Variants in SLK observed in about 807,000 individuals in gnomAD.
SLK encodes the protein STE20 like kinase.
SLK carries 67 observed loss-of-function variants against 147.7 expected under a neutral mutation model. The ratio of observed to expected loss-of-function variants is 0.45; its 90% CI spans 0.37 to 0.56. SLK has a LOEUF of 0.56. Ranked by LOEUF, SLK falls within the 20% of genes least tolerant of loss-of-function variation. The pLI is 0.00. For missense variants in SLK, 1,136 were observed against 1,438.8 expected (o/e 0.79, Z 3.41); for synonymous variants, 441 against 475.0 (o/e 0.93, Z 0.93).
intron 1 of SLK, among the ~76,000 whole-genome samples, chr10:103,982,883 C>T (rs147105064): frequency 4.6e-5 from 7 of 152,256 alleles, no homozygotes; most frequent in Non-Finnish European, 1.0e-4. Flanking sequence ...GCTGTGGGGG[C>T]CAGTTGGATA....
At chr10:103,992,141 G>GTTTTTGTTTTTT (rs1844102746) in intron 2 of SLK, among the ~76,000 whole-genome samples, 1 of 91,792 alleles carries the variant, frequency 1.1e-5, no homozygotes, top group Non-Finnish European at 2.1e-5. Flanking sequence ...TATTTCTTCT[G>GTTTTTGTTTTTT]TTTTTTTTTT....
intron 11 of SLK, 101 bp downstream of exon 11, chr10:104,006,136 C>T: frequency 8.3e-7 from 1 of 1,203,926 alleles, no homozygotes. Flanking sequence ...AACTTGTTCT[C>T]TGATTGCCAG....
At chr10:103,995,414 CTTTCTTTTCTTTTTT>C in intron 4 of SLK, among the ~76,000 whole-genome samples, 1 of 125,354 alleles carries the variant, frequency 8.0e-6, no homozygotes, top group African/African-American at 3.1e-5. Context: ...TTTTTCTTTT[CTTTCTTTTCTTTTTT>C]TTTTTTTTTT....
In SLK at chr10:104,002,994, GT is replaced by G; in HGVS notation, c.1818del (p.Glu607LysfsTer2). The G allele has an allele frequency of 6.2e-7, 1 of 1,613,784 alleles. No individual in the cohort carries two copies. ...TAAGGAAGTTCCTATTAAAGAAATA[GT>G]TGAAATGAATGAAATAGAAGAAGGT... ...GTKEVPIKEI[V>X]EMNEIEEGKN... On this transcript the variant is annotated frameshift_variant, in exon 9 of 19. Coordinates refer to ENST00000369755, the MANE Select transcript of SLK (RefSeq NM_014720.4). LOFTEE classifies it high-confidence loss of function.
chr10:104,011,793 C>T (rs997194399), intron 13 of SLK, among the ~76,000 whole-genome samples: 8 of 152,180 alleles, frequency 5.3e-5, no homozygotes, highest in Non-Finnish European at 8.8e-5. Flanking sequence ...ATCTCTTGAC[C>T]TCGTGATCTG....
intron 4 of SLK, among the ~76,000 whole-genome samples, chr10:103,996,335 GTTTTT>G (rs780860379): frequency 8.2e-6 from 1 of 121,994 alleles, no homozygotes; most frequent in East Asian, 2.5e-4. Context: ...GATGCTAAAA[GTTTTT>G]TTTTTTTTTT....
intron 2 of SLK, among the ~76,000 whole-genome samples, chr10:103,992,141 G>GTTTTTTTGTTTTTTTTTTTT (rs1554842833): frequency 1.1e-5 from 1 of 91,792 alleles, no homozygotes; most frequent in Non-Finnish European, 2.1e-5. Flanking sequence ...TATTTCTTCT[G>GTTTTTTTGTTTTTTTTTTTT]TTTTTTTTTT....
chr10:104,004,132 G>C (rs1227682767), intron 9 of SLK, among the ~76,000 whole-genome samples: 2 of 152,132 alleles, frequency 1.3e-5, no homozygotes, highest in Non-Finnish European at 2.9e-5. Flanking sequence ...GTGATCCATG[G>C]GCTGCCCCTT....
intron 7 of SLK, among the ~76,000 whole-genome samples, chr10:104,001,053 C>T (rs192986046): frequency 5.7e-5 from 5 of 87,784 alleles, no homozygotes; most frequent in Non-Finnish European, 8.2e-5. Context: ...AGTGAGACTC[C>T]GTCTCAAAAA....
Position 103,967,913 on chromosome 10 carries a change from G to A in SLK, c.150+18G>A. 6.2e-7 allele frequency: 1 copy of A among 1,611,914 alleles called. No individual in the cohort carries two copies. Among genetic ancestry groups the A allele is most frequent in the Non-Finnish European group, 8.5e-7 (1 of 1,178,692 alleles). On this transcript the variant is annotated intron_variant, in intron 1 of 18. Transcript: ENST00000369755. ...TGTACAAGGTAAGAGGGGGAAAACG[G>A]GAAGTTGTACTGCGAAGGTAAAACA...
chr10:103,982,104 C>T (rs911763627), intron 1 of SLK, among the ~76,000 whole-genome samples: 1 of 152,018 alleles, frequency 6.6e-6, no homozygotes, highest in African/African-American at 2.4e-5. Flanking sequence ...GATTGTTTTC[C>T]TTACTATTTA....
chr10:103,979,033 T>C (rs1296846804), intron 1 of SLK, among the ~76,000 whole-genome samples: 1 of 152,212 alleles, frequency 6.6e-6, no homozygotes, highest in Non-Finnish European at 1.5e-5. Context: ...AATATTTTTT[T>C]GAGACAGGGT....
At chr10:104,006,084 A>G (rs1242369422) in intron 11 of SLK, 49 bp downstream of exon 11, 1 of 1,546,722 alleles carries the variant, frequency 6.5e-7, no homozygotes, top group East Asian at 2.3e-5. Flanking sequence ...GTTAATAATG[A>G]CATTTACTGC....
At position 103,967,723 on chromosome 10, in the gene SLK, G is replaced by T; in HGVS notation, c.-23G>T. 1 of 1,612,970 alleles carries T rather than the reference G, an allele frequency of 6.2e-7. No homozygotes were observed. Among genetic ancestry groups the T allele is most frequent in the Non-Finnish European group, 8.5e-7 (1 of 1,179,148 alleles). On this transcript the variant is annotated 5_prime_UTR_variant, in exon 1 of 19. The change creates a new upstream start codon in the 5' untranslated region. Coordinates refer to ENST00000369755, the MANE Select transcript of SLK (RefSeq NM_014720.4). ...TATTGTTTTTAGTCCTTAAGTGCAAGGAACTCTGTGTTGGGAGGAAAAATG... is the reference window on the plus strand; with the variant it reads ...TATTGTTTTTAGTCCTTAAGTGCAATGAACTCTGTGTTGGGAGGAAAAATG...
At position 104,026,771 on chromosome 10, in the gene SLK, T is replaced by C. The variant is rs1200785433; in HGVS notation, c.*1051T>C. Reference sequence around the variant, plus strand: ...CTTTTTTAAAAGTTTAAATTAAATATTTAGGCACGTCAGGAATTACTTTTC... The same window carrying C: ...CTTTTTTAAAAGTTTAAATTAAATACTTAGGCACGTCAGGAATTACTTTTC... On this transcript the variant is annotated 3_prime_UTR_variant, in exon 19 of 19. Transcript: ENST00000369755. 1 of 152,210 alleles carries C rather than the reference T, an allele frequency of 6.6e-6. No individual in the cohort carries two copies. The highest frequency in any genetic ancestry group is 1.5e-5 in the Non-Finnish European group (1 of 68,034). The allele number at this position is 152,210 out of a possible 1,614,324, so 9.4% of individuals were successfully genotyped here. A position where few individuals can be genotyped will look rare whatever the true frequency, so the allele number is the denominator to read the frequency against.
Position 103,990,839 on chromosome 10 carries a change from G to A in SLK, c.315G>A (p.Trp105Ter). Reference sequence around the variant, plus strand: ...CCTTCTATTATGAGAACAATCTTTGGGTAAGTATTTTCTGTTGATCTAAAG... The same window carrying A: ...CCTTCTATTATGAGAACAATCTTTGAGTAAGTATTTTCTGTTGATCTAAAG... ...LDAFYYENNLWILIEFCAGGA... is the reference protein window; with the variant it reads ...LDAFYYENNL Residue 105 changes from tryptophan (W) to a stop codon, truncating the protein, a stop_gained and splice_region_variant, in exon 2 of 19, where the codon TGG becomes TGA. Transcript: ENST00000369755. LOFTEE classifies it high-confidence loss of function. The A allele has an allele frequency of 1.3e-6, 2 of 1,488,472 alleles. No homozygotes were observed. Among genetic ancestry groups the A allele is most frequent in the Non-Finnish European group, 1.8e-6 (2 of 1,124,930 alleles). The allele number at this position is 1,488,472 out of a possible 1,614,324, so 92.2% of individuals were successfully genotyped here.
intron 1 of SLK, among the ~76,000 whole-genome samples, chr10:103,975,925 A>T (rs1254076254): frequency 3.3e-5 from 5 of 151,746 alleles, no homozygotes; most frequent in Admixed American, 3.3e-4. Flanking sequence ...TTTTATTATT[A>T]TTATTTTTTC....
Position 104,025,777 on chromosome 10 carries a change from A to G in SLK, c.*57A>G. On this transcript the variant is annotated 3_prime_UTR_variant, in exon 19 of 19. Transcript: ENST00000369755. The stretch of plus-strand genomic sequence containing the variant: ...TCTTTCAGTATGTCATTCTGTTCTC[A>G]TCTTCTGCCACAGTCTCTCAGATAG... 4 of 1,471,916 alleles carry G rather than the reference A, an allele frequency of 2.7e-6. No homozygotes were observed. The highest frequency in any genetic ancestry group is 1.2e-5 in the South Asian group (1 of 83,820). The allele number at this position is 1,471,916 out of a possible 1,614,324, so 91.2% of individuals were successfully genotyped here. A position where few individuals can be genotyped will look rare whatever the true frequency, so the allele number is the denominator to read the frequency against.
chr10:103,998,628 C>A (rs2134488614), intron 4 of SLK, among the ~76,000 whole-genome samples: 1 of 152,150 alleles, frequency 6.6e-6, no homozygotes, highest in South Asian at 2.1e-4. Flanking sequence ...TTAGAGTTAC[C>A]ATTTTTTATT....
Sources: gnomAD v4.1 joint callset for allele counts (sites outside exome capture counted in the v4.1 genomes callset) on GRCh38, gnomAD v4.1.1 for gene constraint, MANE v1.5 for transcripts, NCBI Gene and HGNC (gene_info 2026-07-23, HGNC 2026-07-21) for gene names.